Variants in GABBR2 observed in about 807,000 individuals in gnomAD.
GABBR2 encodes the protein G-protein coupled receptor 51.
In GABBR2, 23 loss-of-function variants were observed where a neutral mutation model predicts 105.6. The ratio of observed to expected loss-of-function variants is 0.22; its 90% CI spans 0.16 to 0.31. GABBR2 has a LOEUF of 0.31. Among genes scored for constraint, GABBR2 ranks in the 10% least tolerant of loss-of-function variants. The pLI, the probability that GABBR2 is intolerant of heterozygous loss-of-function variation, is 1.00. For missense variants in GABBR2, 734 were observed against 1,245.5 expected, an observed-to-expected ratio of 0.59 and a Z score of 6.18; for synonymous variants, 478 against 499.7, an observed-to-expected ratio of 0.96 and a Z score of 0.58.
intron 3 of GABBR2, among the ~76,000 whole-genome samples, chr9:98,520,357 C>T (rs1337668041): frequency 6.6e-6 from 1 of 152,206 alleles, no homozygotes; most frequent in East Asian, 1.9e-4. Flanking sequence ...CTATACCTCA[C>T]GAAACCCCAA....
chr9:98,293,031 A>G (rs1029320468), intron 18 of GABBR2, among the ~76,000 whole-genome samples: 1 of 152,186 alleles, frequency 6.6e-6, no homozygotes, highest in Admixed American at 6.5e-5. Context: ...CTAATACTAA[A>G]GAGCCCCAAA....
chr9:98,610,623 A>G (rs970176135), intron 1 of GABBR2, among the ~76,000 whole-genome samples: 2 of 152,180 alleles, frequency 1.3e-5, no homozygotes, highest in African/African-American at 2.4e-5. Context: ...GTGACCAGGG[A>G]GGTAGAGATT....
intron 1 of GABBR2, among the ~76,000 whole-genome samples, chr9:98,650,943 A>G (rs1830094542): frequency 6.6e-6 from 1 of 152,164 alleles, no homozygotes; most frequent in Non-Finnish European, 1.5e-5. Context: ...TTGTTTAATG[A>G]GTACAGAGTT....
At chr9:98,689,406 T>C (rs1830658440) in intron 1 of GABBR2, among the ~76,000 whole-genome samples, 2 of 152,230 alleles carry the variant, frequency 1.3e-5, no homozygotes, top group African/African-American at 2.4e-5. Context: ...GATGATTTAC[T>C]ACCTATAAAG....
At chr9:98,494,583 G>T (rs1333481462) in intron 4 of GABBR2, among the ~76,000 whole-genome samples, 3 of 152,152 alleles carry the variant, frequency 2.0e-5, no homozygotes, top group Admixed American at 1.3e-4. Flanking sequence ...CCATTTTTCA[G>T]CTGGGTGTCT....
Position 98,290,583 on chromosome 9 carries a change from CT to C in GABBR2, c.2826del (p.Ter942=). 7.3e-7 allele frequency: 1 copy of C among 1,377,636 alleles called. No homozygotes were observed. The allele number at this position is 1,377,636 out of a possible 1,614,324, so 85.3% of individuals were successfully genotyped here. On this transcript the variant is annotated frameshift_variant and stop_lost, in exon 19 of 19. Transcript: ENST00000259455. LOFTEE classifies it high-confidence loss of function. The part of the protein sequence containing the change: ...PSFRVMVSGL[*>X] ...AGGCCCCGGGCCCAGGCCTCCCACC[CT>C]TACAGGCCCGAGACCATGACTCGGA...
chr9:98,410,987 T>A (rs904888596), intron 7 of GABBR2, among the ~76,000 whole-genome samples: 50 of 152,128 alleles, frequency 3.3e-4, no homozygotes, highest in Non-Finnish European at 8.8e-5. Flanking sequence ...CTGTATGAAA[T>A]CTCCCTCTGA....
chr9:98,606,170 T>A (rs1349778130), intron 1 of GABBR2, among the ~76,000 whole-genome samples: 7 of 152,218 alleles, frequency 4.6e-5, no homozygotes, highest in Non-Finnish European at 1.0e-4. Flanking sequence ...ATCCAGTGTA[T>A]CATTGAGGGA....
At chr9:98,698,365 A>C (rs948771636) in intron 1 of GABBR2, among the ~76,000 whole-genome samples, 2 of 152,228 alleles carry the variant, frequency 1.3e-5, no homozygotes, top group Non-Finnish European at 2.9e-5. Flanking sequence ...ACTCTAAAAA[A>C]ATCAGAAAGG....
chr9:98,649,732 T>C (rs531366495), intron 1 of GABBR2, among the ~76,000 whole-genome samples: 8 of 152,260 alleles, frequency 5.3e-5, no homozygotes, highest in African/African-American at 1.4e-4. Flanking sequence ...GTATAATGAA[T>C]GGTAGGATTA....
chr9:98,445,748 T>A (rs1826117357), intron 7 of GABBR2, among the ~76,000 whole-genome samples: 1 of 152,148 alleles, frequency 6.6e-6, no homozygotes, highest in Non-Finnish European at 1.5e-5. Flanking sequence ...AATTGCCCAA[T>A]CCTGTAGGGA....
intron 13 of GABBR2, among the ~76,000 whole-genome samples, chr9:98,358,180 T>G (rs533482219): frequency 6.6e-6 from 1 of 152,366 alleles, no homozygotes; most frequent in African/African-American, 2.4e-5. Context: ...CACCCAGGCT[T>G]GGGTCTCCTT....
chr9:98,427,871 C>T (rs1452307484), intron 7 of GABBR2, among the ~76,000 whole-genome samples: 2 of 152,132 alleles, frequency 1.3e-5, no homozygotes, highest in Non-Finnish European at 1.5e-5. Context: ...ATCCACTTGC[C>T]AGCCATTTGT....
intron 16 of GABBR2, 135 bp from the exon 17 acceptor site, chr9:98,299,488 T>G (rs1056978749): frequency 1.1e-6 from 1 of 875,290 alleles, no homozygotes; most frequent in Non-Finnish European, 1.8e-6. Context: ...GAGGGGTTAC[T>G]GCATTTTGGT....
At chr9:98,528,364 A>C (rs1828000812) in intron 3 of GABBR2, among the ~76,000 whole-genome samples, 1 of 152,306 alleles carries the variant, frequency 6.6e-6, no homozygotes, top group African/African-American at 2.4e-5. Flanking sequence ...TGAAGTAAAA[A>C]ATATACTAGA....
chr9:98,365,119 G>A (rs991155019), intron 12 of GABBR2, among the ~76,000 whole-genome samples: 2 of 152,218 alleles, frequency 1.3e-5, no homozygotes, highest in Non-Finnish European at 2.9e-5. Flanking sequence ...GGTTTTGGAA[G>A]TAGAAGACCT....
At position 98,454,036 on chromosome 9, in the gene GABBR2, G is replaced by C; in HGVS notation, c.1181C>G (p.Thr394Arg). 6.2e-7 allele frequency: 1 copy of C among 1,614,202 alleles called. No homozygotes were observed. Among genetic ancestry groups the C allele is most frequent in the Non-Finnish European group, 8.5e-7 (1 of 1,180,020 alleles). ...RIQDFNYTDH[T>R]LGRIILNAMN... Reference sequence around the variant, plus strand: ...GGCATTGAGGATGATCCTGCCCAGCGTGTGGTCCGTGTAGTTGAAGTCCTG... The same window carrying C: ...GGCATTGAGGATGATCCTGCCCAGCCTGTGGTCCGTGTAGTTGAAGTCCTG... The change falls in exon 7 of 19, where the codon ACG becomes AGG. Residue 394 changes from threonine to arginine, a missense_variant. Coordinates refer to ENST00000259455, the MANE Select transcript of GABBR2 (RefSeq NM_005458.8). The surrounding 1 kb of genome is among the most constrained non-coding windows in gnomAD (Gnocchi z 4.6).
chr9:98,434,695 G>A (rs768866620), intron 7 of GABBR2, among the ~76,000 whole-genome samples: 1 of 152,176 alleles, frequency 6.6e-6, no homozygotes, highest in South Asian at 2.1e-4. Context: ...ACTGAAGACT[G>A]AGGTCACCGC....
chr9:98,642,943 C>A (rs1445562179), intron 1 of GABBR2, among the ~76,000 whole-genome samples: 1 of 152,218 alleles, frequency 6.6e-6, no homozygotes, highest in East Asian at 1.9e-4. Flanking sequence ...CCTCGCCTCT[C>A]TCTACCTGCC....
Sources: gnomAD v4.1 joint callset for allele counts (sites outside exome capture counted in the v4.1 genomes callset) on GRCh38, gnomAD v4.1.1 for gene constraint, Gnocchi (gnomAD v3.1) non-coding constraint, MANE v1.5 for transcripts, NCBI Gene and HGNC (gene_info 2026-07-23, HGNC 2026-07-21) for gene names.